The following PHC2 variants were observed in gnomAD, a reference collection of about 807,000 sequenced individuals.
PHC2 encodes the protein polyhomeotic-like protein 2.
PHC2 carries 29 observed loss-of-function variants against 87.4 expected under a neutral mutation model. The observed-to-expected ratio is 0.33, with a 90% CI of 0.25 to 0.45. The LOEUF (loss-of-function observed/expected upper bound fraction) is 0.45. Ranked by LOEUF, PHC2 falls within the 20% of genes least tolerant of loss-of-function variation. The pLI is 1.00. For missense variants in PHC2, 857 were observed against 1,136.7 expected, an observed-to-expected ratio of 0.75 and a Z score of 3.54; for synonymous variants, 438 against 461.7, an observed-to-expected ratio of 0.95 and a Z score of 0.66.
chr1:33,411,989 A>G (rs1227893094), intron 1 of PHC2, among the ~76,000 whole-genome samples: 1 of 152,216 alleles, frequency 6.6e-6, no homozygotes, highest in African/African-American at 2.4e-5. Context: ...AAAAACCTAC[A>G]GCTAACATCA....
intron 9 of PHC2, among the ~76,000 whole-genome samples, chr1:33,341,722 A>G (rs563487626): frequency 6.6e-6 from 1 of 152,370 alleles, no homozygotes; most frequent in South Asian, 2.1e-4. Flanking sequence ...GTGCGTCTCA[A>G]GTACAGATTG....
In PHC2 at chr1:33,370,547, G is replaced by A; in HGVS notation, c.450C>T (p.Leu150=). ...CAGAGTTCACACTCTGGGCCCGGTTGAGGAGCTGGGCTGCTGCTGGGGAGG... is the reference window on the plus strand; with the variant it reads ...CAGAGTTCACACTCTGGGCCCGGTTAAGGAGCTGGGCTGCTGCTGGGGAGG... ...LAASPAAAQL[L]NRAQSVNSAA... Residue 150 remains leucine (L), a synonymous_variant, in exon 5 of 15, where the codon CTC becomes CTT. Transcript: ENST00000683057. 3.1e-6 allele frequency: 5 copies of A among 1,613,984 alleles called. No individual in the cohort carries two copies. The highest frequency in any genetic ancestry group is 1.3e-5 in the African/African-American group (1 of 75,068).
intron 1 of PHC2, among the ~76,000 whole-genome samples, chr1:33,384,686 T>G (rs536809525): frequency 6.6e-6 from 1 of 152,328 alleles, no homozygotes; most frequent in Admixed American, 6.5e-5. Context: ...ATTCACCCTT[T>G]GCAGTTCAGC....
At chr1:33,371,444 T>TGGCCACCACCATCACACCC (rs1557837865) in intron 3 of PHC2, among the ~76,000 whole-genome samples, 12 of 150,266 alleles carry the variant, frequency 8.0e-5, no homozygotes, top group African/African-American at 2.9e-4. Context: ...CCATCACACC[T>TGGCCACCACCATCACACCC]GGCCACCACC....
chr1:33,348,275 A>G (rs1646883192), intron 9 of PHC2, among the ~76,000 whole-genome samples: 1 of 152,108 alleles, frequency 6.6e-6, no homozygotes, highest in Non-Finnish European at 1.5e-5. Context: ...CTGTACCAGA[A>G]TAAAAGATGG....
chr1:33,363,552 G>C (rs1171354234), intron 7 of PHC2, among the ~76,000 whole-genome samples: 1 of 152,206 alleles, frequency 6.6e-6, no homozygotes, highest in African/African-American at 2.4e-5. Context: ...TTCAAACAAA[G>C]CAGCTGTGTG....
chr1:33,380,222 C>T (rs1485634208), intron 1 of PHC2, among the ~76,000 whole-genome samples: 1 of 152,164 alleles, frequency 6.6e-6, no homozygotes, highest in African/African-American at 2.4e-5. Context: ...CAATTCAGTA[C>T]CATTAACTAC....
chr1:33,363,911 C>T, intron 7 of PHC2: 1 of 985,254 alleles, frequency 1.0e-6, no homozygotes, highest in Middle Eastern at 5.2e-4. Context: ...GCTCAGTCCT[C>T]ATGTCAGTGA....
At chr1:33,377,374 A>C (rs990454091) in intron 1 of PHC2, among the ~76,000 whole-genome samples, 2 of 152,166 alleles carry the variant, frequency 1.3e-5, no homozygotes, top group East Asian at 3.9e-4. Context: ...CTCCTATCCC[A>C]GTCAGTAAGG....
intron 12 of PHC2, 107 bp from the exon 13 acceptor site, chr1:33,330,319 G>C: frequency 8.3e-7 from 1 of 1,203,368 alleles, no homozygotes; most frequent in Non-Finnish European, 1.2e-6. Flanking sequence ...TCCATCTATT[G>C]GTTCAGATCC....
intron 14 of PHC2, 112 bp from the exon 15 acceptor site, chr1:33,325,131 G>T: frequency 9.1e-7 from 1 of 1,101,160 alleles, no homozygotes; most frequent in Non-Finnish European, 1.3e-6. Context: ...ATTTCTTTTA[G>T]TCCTCATAAC....
In PHC2 at chr1:33,370,918, A is replaced by G. The variant is rs7511731; in HGVS notation, c.411+99T>C. The G allele has an allele frequency of 3.0e-3, 2,885 of 961,520 alleles. 59 individuals carry two copies. The African/African-American group carries it at 0.042, about 14-fold the overall frequency. The allele number at this position is 961,520 out of a possible 1,614,324, so 59.6% of individuals were successfully genotyped here. A position where few individuals can be genotyped will look rare whatever the true frequency, so the allele number is the denominator to read the frequency against. On this transcript the variant is annotated intron_variant, in intron 4 of 14. Transcript: ENST00000683057. ...GTAAGGGCAATAGATTCCAGCCATG[A>G]TGCTACATGGCCACGGATTCACCAC...
chr1:33,351,916 C>T (rs192252474), intron 9 of PHC2, among the ~76,000 whole-genome samples: 6 of 139,792 alleles, frequency 4.3e-5, no homozygotes, highest in Non-Finnish European at 6.1e-5. Flanking sequence ...CACACCACTG[C>T]ACTCCAGCCT....
At chr1:33,363,437 T>G (rs1647257128) in intron 7 of PHC2, among the ~76,000 whole-genome samples, 1 of 152,178 alleles carries the variant, frequency 6.6e-6, no homozygotes, top group African/African-American at 2.4e-5. Context: ...GGAGGCTGCT[T>G]TGGGAGGGAA....
intron 2 of PHC2, among the ~76,000 whole-genome samples, chr1:33,373,171 G>A (rs956321655): frequency 6.6e-5 from 10 of 152,136 alleles, no homozygotes; most frequent in Admixed American, 2.0e-4. Context: ...AGGCTGGAGT[G>A]CAATGGCGTG....
At chr1:33,325,056 C>A in intron 14 of PHC2, 37 bp from the exon 15 acceptor site, 1 of 1,567,914 alleles carries the variant, frequency 6.4e-7, no homozygotes, top group South Asian at 1.2e-5. Context: ...TCAATCCAAG[C>A]CGCCAGTGTT....
In PHC2 at chr1:33,364,032, T is replaced by C. The variant is rs1489583761; in HGVS notation, c.976+3084A>G. The stretch of plus-strand genomic sequence containing the variant: ...TGCTCCCCCACCCCTATTCTCGGCA[T>C]AAGGGACCTTTTCTATTTGCAGAGC... On this transcript the variant is annotated intron_variant, in intron 7 of 14. Coordinates refer to ENST00000683057, the MANE Select transcript of PHC2 (RefSeq NM_001385109.1). The surrounding 1 kb of genome is among the most constrained non-coding windows in gnomAD (Gnocchi z 4.1). 2 of 353,956 alleles carry C rather than the reference T, an allele frequency of 5.7e-6. No individual in the cohort carries two copies. Among genetic ancestry groups the C allele is most frequent in the Non-Finnish European group, 3.9e-6 (1 of 253,652 alleles). 21.9% of individuals were successfully genotyped at this position (353,956 alleles called of 1,614,324 possible).
chr1:33,391,956 A>G (rs1472794353), intron 1 of PHC2, among the ~76,000 whole-genome samples: 1 of 152,180 alleles, frequency 6.6e-6, no homozygotes, highest in Non-Finnish European at 1.5e-5. Flanking sequence ...TAGGGAGCTC[A>G]AAAGGAAGGC....
intron 9 of PHC2, among the ~76,000 whole-genome samples, chr1:33,340,219 A>C (rs1646717627): frequency 6.6e-6 from 1 of 152,232 alleles, no homozygotes; most frequent in East Asian, 1.9e-4. Flanking sequence ...GAATTTAAAG[A>C]AGCAGAGTAG....
Sources: gnomAD v4.1 joint callset for allele counts (sites outside exome capture counted in the v4.1 genomes callset) on GRCh38, gnomAD v4.1.1 for gene constraint, Gnocchi (gnomAD v3.1) non-coding constraint, MANE v1.5 for transcripts, NCBI Gene and HGNC (gene_info 2026-07-23, HGNC 2026-07-21) for gene names.